The following KDM2B variants were observed in gnomAD, a reference collection of about 807,000 sequenced individuals.
The protein encoded by KDM2B is lysine-specific demethylase 2B.
Under a neutral mutation model 150.0 loss-of-function variants are expected in KDM2B, and 26 were observed. That is an observed-to-expected ratio of 0.17 (90% confidence interval 0.13 to 0.24). The LOEUF (loss-of-function observed/expected upper bound fraction) is 0.24. Among genes scored for constraint, KDM2B ranks in the 10% least tolerant of loss-of-function variants. KDM2B has a pLI of 1.00. For missense variants in KDM2B, 1,265 were observed against 1,816.9 expected, an observed-to-expected ratio of 0.70 and a Z score of 5.52; for synonymous variants, 734 against 729.5, an observed-to-expected ratio of 1.01 and a Z score of -0.10.
chr12:121,449,172 A>AT (rs1213750639), intron 13 of KDM2B, among the ~76,000 whole-genome samples: 2 of 107,166 alleles, frequency 1.9e-5, no homozygotes, highest in Non-Finnish European at 3.7e-5. Flanking sequence ...AATCTCCTGC[A>AT]GGGGCTGGCA....
At chr12:121,416,071 T>C in the KDM2B span, 2 of 1,062,220 alleles carry the variant, frequency 1.9e-6, no homozygotes, top group Non-Finnish European at 2.9e-6. Flanking sequence ...GAGGGCAAAC[T>C]TACCTCTCCA....
chr12:121,562,915 T>A (rs1555314068), intron 4 of KDM2B, among the ~76,000 whole-genome samples: 2 of 152,190 alleles, frequency 1.3e-5, no homozygotes. Context: ...ATTATTAGTA[T>A]AATTGCATGA....
chr12:121,528,711 G>A (rs1887372987), intron 8 of KDM2B, among the ~76,000 whole-genome samples: 1 of 152,194 alleles, frequency 6.6e-6, no homozygotes, highest in Admixed American at 6.5e-5. Flanking sequence ...TGGGCAACAT[G>A]GTGAAACCCC....
chr12:121,546,944 C>G (rs539321685), intron 6 of KDM2B, among the ~76,000 whole-genome samples: 2 of 151,640 alleles, frequency 1.3e-5, no homozygotes, highest in East Asian at 2.0e-4. Context: ...GATCTGCCCC[C>G]TCTTGGCCTC....
intron 4 of KDM2B, among the ~76,000 whole-genome samples, chr12:121,573,733 G>A (rs982813548): frequency 6.6e-5 from 10 of 151,874 alleles, no homozygotes; most frequent in African/African-American, 2.2e-4. Flanking sequence ...GACCACAGGC[G>A]CCCGCCACCA....
In KDM2B at chr12:121,503,866, G is replaced by A. The variant is rs1357257488; in HGVS notation, c.1647+5701C>T. On this transcript the variant is annotated intron_variant, in intron 11 of 22. Coordinates refer to ENST00000377071, the MANE Select transcript of KDM2B (RefSeq NM_032590.5). ...GGTAAGTGCTTCAGAATGGCCATAA[G>A]AGTCCCAGAATCTGGTCCCCAGAAG... 3.3e-5 allele frequency among the ~76,000 whole-genome samples: 5 copies of A among 152,200 alleles called. 1 individual carries two copies. Among genetic ancestry groups the A allele is most frequent in the Admixed American group, 3.3e-4 (5 of 15,282 alleles).
rs974104128 is a variant in KDM2B at position 121,441,176 on chromosome 12, T to C, written c.3342A>G (p.Thr1114=). 5 of 1,613,960 alleles carry C rather than the reference T, an allele frequency of 3.1e-6. No individual in the cohort carries two copies. The highest frequency in any genetic ancestry group is 4.2e-6 in the Non-Finnish European group (5 of 1,179,970). The change falls in exon 20 of 23, where the codon ACA becomes ACG. Residue 1114 remains threonine, a synonymous_variant. Coordinates refer to ENST00000377071, the MANE Select transcript of KDM2B (RefSeq NM_032590.5). The part of the protein sequence containing the change: ...RIDLNHCKSI[T]PLMLSGIIRR... ...GGATGATGCCACTCAGCATCAGGGG[T>C]GTGATAGACTTGCAGTGGTTCAGGT...
rs536936132 is a variant in KDM2B, at chr12:121,506,783, C to A, written c.1647+2784G>T. ...AGAAAACCCATCTCTACTAAAAATA[C>A]AAAATAGCCGGGTGTGGTGGCGCAT... On this transcript the variant is annotated intron_variant, in intron 11 of 22. Coordinates refer to ENST00000377071, the MANE Select transcript of KDM2B (RefSeq NM_032590.5). Among the ~76,000 whole-genome samples the A allele has an allele frequency of 3.7e-4, 56 of 152,220 alleles. No individual in the cohort carries two copies. The South Asian group carries it at 0.011, about 30-fold the overall frequency.
the KDM2B span, chr12:121,416,080 C>A: frequency 8.4e-7 from 1 of 1,187,076 alleles, no homozygotes. Context: ...CTTACCTCTC[C>A]AGAATAGCAT....
intron 22 of KDM2B, among the ~76,000 whole-genome samples, chr12:121,431,864 G>T (rs144347487): frequency 1.4e-5 from 2 of 145,414 alleles, no homozygotes; most frequent in African/African-American, 2.6e-5. Flanking sequence ...GTTTTCATGG[G>T]TTTTTTTCTT....
intron 4 of KDM2B, among the ~76,000 whole-genome samples, chr12:121,559,370 G>A (rs1028881128): frequency 3.9e-5 from 6 of 152,262 alleles, no homozygotes; most frequent in Admixed American, 1.3e-4. Context: ...GTGGTGGGAG[G>A]AGGAAGGAAA....
rs1555285265 is a variant in KDM2B, at chr12:121,430,448, T to C, written c.3851A>G (p.Gln1284Arg). Reference sequence around the variant, plus strand: ...ACAGCGTTTGAAGAAGGACAGGCACTGATCAGTGACCTTATTGCAGTCTGC... The same window carrying C: ...ACAGCGTTTGAAGAAGGACAGGCACCGATCAGTGACCTTATTGCAGTCTGC... ...NLSDCNKVTD[Q>R]CLSFFKRCGN... is the part of the protein sequence containing the mutation. Residue 1284 changes from glutamine (Q) to arginine (R), a missense_variant, in exon 23 of 23, where the codon CAG (glutamine) becomes CGG (arginine). This residue lies in a region of KDM2B where 251 missense variants were observed against 397.8 expected (regional missense o/e 0.63). Transcript: ENST00000377071. This position sits in a 1 kb window ranked among gnomAD's most constrained non-coding sequence, Gnocchi z 4.4. 6.2e-7 allele frequency: 1 copy of C among 1,613,998 alleles called. No homozygotes were observed. Among genetic ancestry groups the C allele is most frequent in the Admixed American group, 1.7e-5 (1 of 60,010 alleles).
chr12:121,512,633 A>T (rs1486900844), intron 10 of KDM2B, among the ~76,000 whole-genome samples: 1 of 152,064 alleles, frequency 6.6e-6, no homozygotes, highest in African/African-American at 2.4e-5. Flanking sequence ...CTTCCTCTAG[A>T]TTGCTGGTCG....
Position 121,521,123 on chromosome 12 carries a change from A to G in KDM2B, c.932-23T>C. Reference sequence around the variant, plus strand: ...AACCTGGGGTGGGAAGGGCAAGGAGAGGATGAGCCGCTGGCCCCTGTGGGC... The same window carrying G: ...AACCTGGGGTGGGAAGGGCAAGGAGGGGATGAGCCGCTGGCCCCTGTGGGC... On this transcript the variant is annotated intron_variant, in intron 8 of 22. Transcript: ENST00000377071. The surrounding 1 kb of genome is among the most constrained non-coding windows in gnomAD (Gnocchi z 4.9). The G allele has an allele frequency of 6.4e-7, 1 of 1,557,336 alleles. No individual in the cohort carries two copies. Among genetic ancestry groups the G allele is most frequent in the South Asian group, 1.1e-5 (1 of 89,936 alleles).
intron 8 of KDM2B, among the ~76,000 whole-genome samples, chr12:121,525,934 A>T (rs1887090203): frequency 6.6e-6 from 1 of 152,106 alleles, no homozygotes. Context: ...AGGTCCCCAT[A>T]CTGGCCTCTG....
intron 4 of KDM2B, among the ~76,000 whole-genome samples, chr12:121,571,500 G>A (rs1383772354): frequency 1.3e-5 from 2 of 151,926 alleles, no homozygotes; most frequent in Non-Finnish European, 2.9e-5. Context: ...TGTTGGCCAG[G>A]CTGGTCTTGA....
rs367944281 is a variant in KDM2B, at chr12:121,549,661, G to C, written c.398-23C>G. 6.9e-4 allele frequency: 1,067 copies of C among 1,538,254 alleles called. 21 individuals are homozygous for C. The South Asian group carries it at 0.011, about 15-fold the overall frequency. On this transcript the variant is annotated intron_variant, in intron 4 of 22. Transcript: ENST00000377071. This position sits in a 1 kb window ranked among gnomAD's most constrained non-coding sequence, Gnocchi z 4.4. ...TCCCTGGAGGCAGAAGCCACACACT[G>C]GTTGTTCCTGCCGGCTTAAGGCTCC...
chr12:121,487,028 T>C (rs1555299034), intron 12 of KDM2B, among the ~76,000 whole-genome samples: 1 of 152,048 alleles, frequency 6.6e-6, no homozygotes, highest in African/African-American at 2.4e-5. Context: ...TGGTCCCAGC[T>C]ACTCAGGAGG....
the KDM2B span, among the ~76,000 whole-genome samples, chr12:121,411,479 T>C: frequency 2.2e-4 from 34 of 152,320 alleles, no homozygotes; most frequent in African/African-American, 7.9e-4. Context: ...CTCATACTCA[T>C]TAACATGGTT....
Sources: allele counts gnomAD v4.1 joint callset (sites outside exome capture counted in the v4.1 genomes callset), GRCh38; gene constraint gnomAD v4.1.1; regional missense constraint gnomAD v4.1.1; non-coding constraint Gnocchi (gnomAD v3.1); transcripts MANE v1.5; gene names NCBI Gene and HGNC (gene_info 2026-07-23, HGNC 2026-07-21).